TMCC1: variants seen among roughly 807,000 people sequenced by gnomAD.
The protein encoded by TMCC1 is transmembrane and coiled-coil domain family 1, also known as transmembrane and coiled-coil domains protein 1.
TMCC1 carries 15 observed loss-of-function variants against 52.4 expected under a neutral mutation model. The ratio of observed to expected loss-of-function variants is 0.29; its 90% CI spans 0.19 to 0.44. TMCC1 has a LOEUF of 0.44. Among genes scored for constraint, TMCC1 ranks in the 20% least tolerant of loss-of-function variants. The pLI, the probability that TMCC1 is intolerant of heterozygous loss-of-function variation, is 1.00. For missense variants in TMCC1, 503 were observed against 806.0 expected, an observed-to-expected ratio of 0.62 and a Z score of 4.55; for synonymous variants, 279 against 301.9, an observed-to-expected ratio of 0.92 and a Z score of 0.79.
chr3:129,675,178 CA>C (rs1357411119), intron 4 of TMCC1, among the ~76,000 whole-genome samples: 1 of 152,180 alleles, frequency 6.6e-6, no homozygotes, highest in African/African-American at 2.4e-5. Context: ...AATTAAATCC[CA>C]AATGTAAAAG....
chr3:129,740,497 T>C (rs1397069195), intron 4 of TMCC1, among the ~76,000 whole-genome samples: 3 of 152,190 alleles, frequency 2.0e-5, no homozygotes, highest in Non-Finnish European at 4.4e-5. Flanking sequence ...TGACTCTTAA[T>C]ATATTCCCAA....
At chr3:129,695,319 T>G (rs2047336434) in intron 4 of TMCC1, among the ~76,000 whole-genome samples, 1 of 152,130 alleles carries the variant, frequency 6.6e-6, no homozygotes, top group Non-Finnish European at 1.5e-5. Flanking sequence ...TTGGCTAGGT[T>G]GTTTTCCAAG....
At chr3:129,820,295 A>G (rs2058353710) in intron 4 of TMCC1, among the ~76,000 whole-genome samples, 1 of 151,780 alleles carries the variant, frequency 6.6e-6, no homozygotes, top group Non-Finnish European at 1.5e-5. Context: ...ACTTCACAGT[A>G]CAGTTGTTTG....
chr3:129,755,892 C>G (rs927154481), intron 4 of TMCC1, among the ~76,000 whole-genome samples: 2 of 152,126 alleles, frequency 1.3e-5, no homozygotes, highest in African/African-American at 4.8e-5. Context: ...CCCTTGAGGT[C>G]AAGAGTTTGA....
At chr3:129,726,064 T>C (rs972452520) in intron 4 of TMCC1, among the ~76,000 whole-genome samples, 6 of 152,228 alleles carry the variant, frequency 3.9e-5, no homozygotes, top group African/African-American at 1.2e-4. Flanking sequence ...TGTATCTACC[T>C]GTATGTACAG....
intron 4 of TMCC1, among the ~76,000 whole-genome samples, chr3:129,707,043 T>C (rs988544767): frequency 6.6e-6 from 1 of 151,994 alleles, no homozygotes; most frequent in Admixed American, 6.6e-5. Context: ...TATGAATGAC[T>C]GGGCAGCGTA....
chr3:129,708,444 C>CCT (rs1178006834), intron 4 of TMCC1, among the ~76,000 whole-genome samples: 7 of 152,280 alleles, frequency 4.6e-5, no homozygotes, highest in African/African-American at 1.7e-4. Context: ...ATGTAGTTTG[C>CCT]ATCCTGTTTG....
At chr3:129,676,450 T>C (rs970276965) in intron 4 of TMCC1, among the ~76,000 whole-genome samples, 8 of 152,326 alleles carry the variant, frequency 5.3e-5, no homozygotes, top group South Asian at 2.1e-4. Flanking sequence ...TATTAAGAGA[T>C]AGTTTGTCAG....
At chr3:129,843,691 G>A (rs2059528785) in intron 2 of TMCC1, among the ~76,000 whole-genome samples, 1 of 151,740 alleles carries the variant, frequency 6.6e-6, no homozygotes, top group Admixed American at 6.6e-5. Context: ...AGGAAAAACA[G>A]ATACCTAAAT....
At chr3:129,718,942 G>C (rs2049336129) in intron 4 of TMCC1, among the ~76,000 whole-genome samples, 1 of 152,160 alleles carries the variant, frequency 6.6e-6, no homozygotes, top group South Asian at 2.1e-4. Flanking sequence ...TTGTGTGTGA[G>C]GGTCCAGCAC....
chr3:129,793,446 C>T (rs1484957018), intron 4 of TMCC1, among the ~76,000 whole-genome samples: 1 of 152,216 alleles, frequency 6.6e-6, no homozygotes, highest in African/African-American at 2.4e-5. Flanking sequence ...AGAATGCCTA[C>T]AGACTTACTA....
intron 2 of TMCC1, among the ~76,000 whole-genome samples, chr3:129,844,948 C>CT (rs556386391): frequency 1.0e-3 from 152 of 152,204 alleles, no homozygotes; most frequent in African/African-American, 3.4e-3. Context: ...GACAATCTGT[C>CT]TGAAAAGCAC....
chr3:129,716,501 A>ATTT (rs563370963), intron 4 of TMCC1, among the ~76,000 whole-genome samples: 2 of 124,858 alleles, frequency 1.6e-5, no homozygotes, highest in Non-Finnish European at 3.4e-5. Flanking sequence ...CACCCAGCTA[A>ATTT]TTTTTTTTTT....
chr3:129,864,205 C>A (rs936247468), intron 2 of TMCC1, among the ~76,000 whole-genome samples: 1 of 152,118 alleles, frequency 6.6e-6, no homozygotes, highest in Non-Finnish European at 1.5e-5. Context: ...CAGATTGATA[C>A]GAAGTATGGC....
chr3:129,834,272 A>T (rs1462472434), intron 2 of TMCC1, among the ~76,000 whole-genome samples: 2 of 152,190 alleles, frequency 1.3e-5, no homozygotes, highest in Non-Finnish European at 2.9e-5. Flanking sequence ...TAAAGAGGTC[A>T]GATGGACCAT....
At chr3:129,744,691 G>A (rs910856658) in intron 4 of TMCC1, among the ~76,000 whole-genome samples, 7 of 152,128 alleles carry the variant, frequency 4.6e-5, no homozygotes, top group African/African-American at 9.7e-5. Context: ...TATAATGTTA[G>A]TATGGTATGA....
chr3:129,709,840 T>C (rs2048532647), intron 4 of TMCC1, among the ~76,000 whole-genome samples: 1 of 152,094 alleles, frequency 6.6e-6, no homozygotes, highest in African/African-American at 2.4e-5. Context: ...GAGGACGATG[T>C]CTATCTAGCA....
chr3:129,703,510 C>CT (rs2047995134), intron 4 of TMCC1, among the ~76,000 whole-genome samples: 1 of 152,194 alleles, frequency 6.6e-6, no homozygotes, highest in Non-Finnish European at 1.5e-5. Flanking sequence ...AGTCATTGCT[C>CT]TGCCAGTCAT....
chr3:129,834,802 G>T (rs1024592134), intron 2 of TMCC1, among the ~76,000 whole-genome samples: 44 of 152,278 alleles, frequency 2.9e-4, no homozygotes, highest in African/African-American at 1.0e-3. Context: ...TGCTAAAAAA[G>T]CATCTGATAA....
Sources: allele counts gnomAD v4.1 joint callset (sites outside exome capture counted in the v4.1 genomes callset), GRCh38; gene constraint gnomAD v4.1.1; transcripts MANE v1.5; gene names NCBI Gene and HGNC (gene_info 2026-07-23, HGNC 2026-07-21).